Variants in SEPTIN11 observed in about 807,000 individuals in gnomAD.
The protein encoded by SEPTIN11 is septin-11.
SEPTIN11 carries 25 observed loss-of-function variants against 51.4 expected under a neutral mutation model. The ratio of observed to expected loss-of-function variants is 0.49; its 90% confidence interval spans 0.35 to 0.68. SEPTIN11 has a LOEUF of 0.68. Among genes scored for constraint, SEPTIN11 ranks in the 30% least tolerant of loss-of-function variants. The probability of loss-of-function intolerance (pLI) is 0.00; values close to 1 mark genes in which losing one functional copy is unlikely to be tolerated. For missense variants in SEPTIN11, 381 were observed against 520.8 expected (o/e 0.73, Z 2.61); for synonymous variants, 174 against 184.1 (o/e 0.95, Z 0.44).
intron 2 of SEPTIN11, among the ~76,000 whole-genome samples, chr4:76,996,984 A>G (rs1193658542): frequency 6.6e-6 from 1 of 151,602 alleles, no homozygotes; most frequent in African/African-American, 2.4e-5. Flanking sequence ...GGTTCAAGCA[A>G]TTCTCCTGCC....
At chr4:77,004,747 G>C (rs1724361723) in intron 2 of SEPTIN11, among the ~76,000 whole-genome samples, 1 of 152,172 alleles carries the variant, frequency 6.6e-6, no homozygotes, top group Admixed American at 6.5e-5. Flanking sequence ...TGGACTATTT[G>C]AGGTCAGGAG....
At chr4:76,987,379 A>G (rs1723085477) in intron 1 of SEPTIN11, among the ~76,000 whole-genome samples, 1 of 152,180 alleles carries the variant, frequency 6.6e-6, no homozygotes. Context: ...AGAGTAGCAA[A>G]TGTTGTTCAA....
At chr4:76,995,972 T>G in intron 1 of SEPTIN11, 1 of 1,527,042 alleles carries the variant, frequency 6.5e-7, no homozygotes, top group Non-Finnish European at 8.8e-7. Context: ...GTAAGGAGTA[T>G]GAATCCTCCA....
intron 1 of SEPTIN11, among the ~76,000 whole-genome samples, chr4:76,955,035 T>C (rs1454912017): frequency 2.0e-5 from 3 of 152,202 alleles, no homozygotes; most frequent in Non-Finnish European, 4.4e-5. Context: ...ATATATAGCA[T>C]AACATTAAAA....
At chr4:77,028,218 A>G (rs1726321485) in intron 7 of SEPTIN11, among the ~76,000 whole-genome samples, 1 of 152,192 alleles carries the variant, frequency 6.6e-6, no homozygotes, top group African/African-American at 2.4e-5. Context: ...TTTTCTAAGA[A>G]CAGCCGGTTA....
At chr4:76,991,591 C>G (rs1349126374) in intron 1 of SEPTIN11, among the ~76,000 whole-genome samples, 1 of 152,188 alleles carries the variant, frequency 6.6e-6, no homozygotes, top group Non-Finnish European at 1.5e-5. Context: ...AACATTTATC[C>G]AGAAGGGTTC....
downstream of SEPTIN11, chr4:77,038,646 AG>A: frequency 1.0e-6 from 1 of 994,894 alleles, no homozygotes; most frequent in South Asian, 4.5e-5. Flanking sequence ...AGTTCTTTTT[AG>A]TCACTGCTTG....
chr4:76,999,334 A>G (rs1723955315), intron 2 of SEPTIN11, among the ~76,000 whole-genome samples: 1 of 152,204 alleles, frequency 6.6e-6, no homozygotes, highest in African/African-American at 2.4e-5. Flanking sequence ...TATTTTTAAA[A>G]TAAGAGTCTA....
rs1215975562 is a variant in SEPTIN11, at chr4:77,029,787, TA to T, written c.1087-995del. ...ATATATACACACACACACACATATA[TA>T]TACACACACATATACACACATATAT... On this transcript the variant is annotated intron_variant, in intron 8 of 9. Transcript: ENST00000264893. 3.3e-5 allele frequency among the ~76,000 whole-genome samples: 5 copies of T among 150,728 alleles called. No individual in the cohort carries two copies. The East Asian group carries it at 9.8e-4, about 30-fold the overall frequency.
intron 1 of SEPTIN11, among the ~76,000 whole-genome samples, chr4:76,991,292 G>C (rs1235166061): frequency 6.6e-6 from 1 of 152,192 alleles, no homozygotes; most frequent in Admixed American, 6.5e-5. Flanking sequence ...ACCTCTTCCT[G>C]TTTTTACTGA....
At position 77,035,624 on chromosome 4, in the gene SEPTIN11, T is replaced by A; in HGVS notation, c.*1112T>A. On this transcript the variant is annotated 3_prime_UTR_variant, in exon 10 of 10. Coordinates refer to ENST00000264893, the MANE Select transcript of SEPTIN11 (RefSeq NM_018243.4). ...ATCCAGCTTCCTTGCTTAGTCTCCTTTCAGTATTTGGCAATAAAAGAAAGA... is the reference window on the plus strand; with the variant it reads ...ATCCAGCTTCCTTGCTTAGTCTCCTATCAGTATTTGGCAATAAAAGAAAGA... The A allele has an allele frequency of 1.0e-6, 1 of 985,542 alleles. No homozygotes were observed. Among genetic ancestry groups the A allele is most frequent in the African/African-American group, 1.7e-5 (1 of 57,368 alleles). The allele number at this position is 985,542 out of a possible 1,614,324, so 61.0% of individuals were successfully genotyped here. A position where few individuals can be genotyped will look rare whatever the true frequency, so the allele number is the denominator to read the frequency against.
At position 77,034,675 on chromosome 4, in the gene SEPTIN11, G is replaced by A; in HGVS notation, c.*163G>A. The A allele has an allele frequency of 6.0e-6, 8 of 1,323,766 alleles. No individual in the cohort carries two copies. The highest frequency in any genetic ancestry group is 7.7e-6 in the Non-Finnish European group (8 of 1,035,320). 82.0% of individuals were successfully genotyped at this position (1,323,766 alleles called of 1,614,324 possible). A position where few individuals can be genotyped will look rare whatever the true frequency, so the allele number is the denominator to read the frequency against. On this transcript the variant is annotated 3_prime_UTR_variant, in exon 10 of 10. Coordinates refer to ENST00000264893, the MANE Select transcript of SEPTIN11 (RefSeq NM_018243.4). ...CTCGTTTTGCTGAATGTTGTTGGGT[G>A]GTAGAAAATGATAGAACAAGGGAAT... is the stretch of plus-strand genomic sequence containing the variant.
chr4:77,015,344 C>T (rs1434111368), intron 5 of SEPTIN11, among the ~76,000 whole-genome samples: 3 of 152,160 alleles, frequency 2.0e-5, no homozygotes, highest in Non-Finnish European at 4.4e-5. Flanking sequence ...TTGTTTCTAC[C>T]AATCTTGGCA....
chr4:77,011,075 T>G (rs1724829617), intron 3 of SEPTIN11, among the ~76,000 whole-genome samples: 1 of 152,160 alleles, frequency 6.6e-6, no homozygotes, highest in African/African-American at 2.4e-5. Context: ...AAAGGAATCT[T>G]GAAGATCATA....
At chr4:76,952,819 A>T (rs1434034139) in intron 1 of SEPTIN11, among the ~76,000 whole-genome samples, 1 of 152,230 alleles carries the variant, frequency 6.6e-6, no homozygotes, top group Non-Finnish European at 1.5e-5. Flanking sequence ...TTTTACTCCC[A>T]AGGGATGTGT....
intron 5 of SEPTIN11, among the ~76,000 whole-genome samples, chr4:77,016,655 T>TATATATATATATATATATAC (rs1553975019): frequency 1.7e-4 from 19 of 109,040 alleles, no homozygotes; most frequent in Middle Eastern, 4.4e-3. Context: ...TATATATATA[T>TATATATATATATATATATAC]ACACATATAT....
intron 1 of SEPTIN11, among the ~76,000 whole-genome samples, chr4:76,972,781 A>G (rs1233321429): frequency 6.6e-6 from 1 of 152,198 alleles, no homozygotes; most frequent in Non-Finnish European, 1.5e-5. Flanking sequence ...TAAAATTCTC[A>G]TCAAAACAAT....
At chr4:76,985,693 G>A (rs1363605047) in intron 1 of SEPTIN11, among the ~76,000 whole-genome samples, 2 of 152,184 alleles carry the variant, frequency 1.3e-5, no homozygotes, top group African/African-American at 4.8e-5. Context: ...GTAATGGAGG[G>A]AAGGTGGGCC....
chr4:76,953,712 G>A (rs28515733), intron 1 of SEPTIN11, among the ~76,000 whole-genome samples: 58,977 of 151,998 alleles, frequency 0.39, 11,742 homozygotes, highest in Non-Finnish European at 0.43. Context: ...GGCTCTATAA[G>A]CAGTTATTAA....
Sources: allele counts gnomAD v4.1 joint callset (sites outside exome capture counted in the v4.1 genomes callset), GRCh38; gene constraint gnomAD v4.1.1; transcripts MANE v1.5; gene names NCBI Gene and HGNC (gene_info 2026-07-23, HGNC 2026-07-21).